The following CNTLN variants were observed in gnomAD, a reference collection of about 807,000 sequenced individuals.
The protein encoded by CNTLN is centlein, centrosomal protein.
In CNTLN, 212 loss-of-function variants were observed where a neutral mutation model predicts 180.0. That is an observed-to-expected ratio of 1.18 (90% confidence interval 1.05 to 1.32). The LOEUF is 1.32. Ranked by LOEUF, CNTLN falls within the 40% of genes most tolerant of loss-of-function variation. The pLI is 0.00. For missense variants in CNTLN, 2,095 were observed against 1,610.9 expected (o/e 1.30, Z -5.14); for synonymous variants, 722 against 563.1 (o/e 1.28, Z -3.99).
rs917843998 is a variant in CNTLN, at chr9:17,463,068, C to T, written c.3404+55C>T. On this transcript the variant is annotated intron_variant, in intron 20 of 25. Coordinates refer to ENST00000380647, the MANE Select transcript of CNTLN (RefSeq NM_017738.4). The stretch of plus-strand genomic sequence containing the variant: ...TTTGGTGCCACCTAGTGGCAACCAG[C>T]TCTATTAAACGTGCTCCAAGAAACT... 9.1e-6 allele frequency: 9 copies of T among 993,026 alleles called. No individual in the cohort carries two copies. In the African/African-American group the frequency reaches 1.4e-4, roughly 15 times the overall value. The allele number at this position is 993,026 out of a possible 1,614,324, so 61.5% of individuals were successfully genotyped here. A position where few individuals can be genotyped will look rare whatever the true frequency, so the allele number is the denominator to read the frequency against.
intron 18 of CNTLN, among the ~76,000 whole-genome samples, chr9:17,421,262 A>G (rs1828703881): frequency 6.6e-6 from 1 of 152,144 alleles, no homozygotes; most frequent in Non-Finnish European, 1.5e-5. Context: ...TGCTGGATAT[A>G]TAGGTATTTA....
chr9:17,394,835 C>A lies in CNTLN; in HGVS notation c.2381C>A (p.Pro794Gln), dbSNP rs1176087862. Residue 794 changes from proline to glutamine, a missense_variant, in exon 15 of 26, where the codon CCA (proline) becomes CAA (glutamine). Transcript: ENST00000380647. ...AATGAAAATGAAGAGCTGATCAACC[C>A]AATGGAGAAATCACACCAGTCAGCA... ...LRNENEELINPMEKSHQSADR... is the reference protein window; with the variant it reads ...LRNENEELINQMEKSHQSADR... 2 of 1,613,860 alleles carry A rather than the reference C, an allele frequency of 1.2e-6. No homozygotes were observed. Among genetic ancestry groups the A allele is most frequent in the Admixed American group, 3.3e-5 (2 of 59,986 alleles).
intron 8 of CNTLN, among the ~76,000 whole-genome samples, chr9:17,326,564 A>C (rs572534182): frequency 2.0e-5 from 3 of 152,270 alleles, no homozygotes; most frequent in South Asian, 2.1e-4. Flanking sequence ...GAGATTATTA[A>C]GTTTTTAAAA....
chr9:17,299,810 C>T, intron 7 of CNTLN: 1 of 984,182 alleles, frequency 1.0e-6, no homozygotes, highest in Non-Finnish European at 1.2e-6. Flanking sequence ...TGATGACTTT[C>T]TGTTGCTTGG....
intron 10 of CNTLN, among the ~76,000 whole-genome samples, chr9:17,336,322 C>T (rs1488902750): frequency 6.6e-6 from 1 of 152,104 alleles, no homozygotes; most frequent in Non-Finnish European, 1.5e-5. Context: ...TGATGGATGA[C>T]TTCAGCTGGC....
chr9:17,250,724 A>T (rs1035152913), intron 5 of CNTLN, among the ~76,000 whole-genome samples: 5 of 152,060 alleles, frequency 3.3e-5, no homozygotes, highest in African/African-American at 4.8e-5. Flanking sequence ...TGTAGTTTTT[A>T]TGTAGTTTAT....
At chr9:17,311,124 A>C (rs1009151267) in intron 8 of CNTLN, among the ~76,000 whole-genome samples, 1 of 151,926 alleles carries the variant, frequency 6.6e-6, no homozygotes, top group Non-Finnish European at 1.5e-5. Flanking sequence ...TCCTGGGTTC[A>C]AGCAATTCTC....
At position 17,135,107 on chromosome 9, in the gene CNTLN, A is replaced by G; in HGVS notation, c.42A>G (p.Pro14=). The G allele has an allele frequency of 6.2e-7, 1 of 1,606,026 alleles. No homozygotes were observed. Among genetic ancestry groups the G allele is most frequent in the Non-Finnish European group, 8.5e-7 (1 of 1,177,898 alleles). ...RSPPSPHPSP[P]ARQLGPRSPR... ...CTCCCTCACCGCACCCTTCGCCCCCAGCGCGACAGCTGGGCCCCAGGTCCC... is the reference window on the plus strand; with the variant it reads ...CTCCCTCACCGCACCCTTCGCCCCCGGCGCGACAGCTGGGCCCCAGGTCCC... The change falls in exon 1 of 26, where the codon CCA becomes CCG. Residue 14 remains proline (P), a synonymous_variant. Transcript: ENST00000380647.
chr9:17,196,251 TG>T (rs1255903982), intron 2 of CNTLN, among the ~76,000 whole-genome samples: 1 of 152,124 alleles, frequency 6.6e-6, no homozygotes, highest in Non-Finnish European at 1.5e-5. Flanking sequence ...CTCGAACTCT[TG>T]ACCTCAGGTG....
At chr9:17,469,636 G>A (rs1208449330) in intron 23 of CNTLN, among the ~76,000 whole-genome samples, 2 of 151,778 alleles carry the variant, frequency 1.3e-5, no homozygotes, top group African/African-American at 2.4e-5. Flanking sequence ...TCCATAGCTG[G>A]GTGTTATTCT....
At chr9:17,146,385 G>T (rs1161601062) in intron 2 of CNTLN, among the ~76,000 whole-genome samples, 1 of 151,834 alleles carries the variant, frequency 6.6e-6, no homozygotes, top group Non-Finnish European at 1.5e-5. Flanking sequence ...TCTTCTGTTT[G>T]CTCTATGCTA....
At chr9:17,511,544 G>A in the CNTLN span, among the ~76,000 whole-genome samples, 15 of 152,072 alleles carry the variant, frequency 9.9e-5, no homozygotes, top group African/African-American at 3.6e-4. Flanking sequence ...GTTCTCAGTT[G>A]GACTTAGGGC....
intron 6 of CNTLN, among the ~76,000 whole-genome samples, chr9:17,296,917 C>G (rs974351560): frequency 6.6e-6 from 1 of 152,178 alleles, no homozygotes; most frequent in Non-Finnish European, 1.5e-5. Context: ...ACAACTGTCT[C>G]CGTATCTCTT....
At chr9:17,200,532 T>C (rs1822450092) in intron 2 of CNTLN, among the ~76,000 whole-genome samples, 1 of 152,196 alleles carries the variant, frequency 6.6e-6, no homozygotes, top group South Asian at 2.1e-4. Context: ...TTTGTAGTTG[T>C]CCTTGAAGAG....
At chr9:17,443,099 C>T (rs1204533377) in intron 18 of CNTLN, among the ~76,000 whole-genome samples, 2 of 152,132 alleles carry the variant, frequency 1.3e-5, no homozygotes, top group Admixed American at 1.3e-4. Flanking sequence ...TTTTTGAAAT[C>T]AGGAAGAATA....
chr9:17,161,999 G>C (rs1446770251), intron 2 of CNTLN, among the ~76,000 whole-genome samples: 1 of 152,092 alleles, frequency 6.6e-6, no homozygotes, highest in African/African-American at 2.4e-5. Flanking sequence ...TCTTAGGGCA[G>C]TGATCTCAGT....
chr9:17,398,718 T>G (rs1327983579), intron 15 of CNTLN, among the ~76,000 whole-genome samples: 1 of 152,188 alleles, frequency 6.6e-6, no homozygotes, highest in Non-Finnish European at 1.5e-5. Context: ...TTTCTTTAAC[T>G]CTTTGAGGCA....
chr9:17,141,328 G>C (rs1431411990), intron 1 of CNTLN, among the ~76,000 whole-genome samples: 1 of 152,152 alleles, frequency 6.6e-6, no homozygotes, highest in Non-Finnish European at 1.5e-5. Context: ...TAGAGACTTG[G>C]GGTTTTGGTG....
chr9:17,500,626 T>G (rs1833696584), intron 25 of CNTLN, among the ~76,000 whole-genome samples: 1 of 152,204 alleles, frequency 6.6e-6, no homozygotes, highest in Admixed American at 6.5e-5. Context: ...CCTGTTAGCC[T>G]TTTAAAGACT....
Sources: gnomAD v4.1 joint callset for allele counts (sites outside exome capture counted in the v4.1 genomes callset) on GRCh38, gnomAD v4.1.1 for gene constraint, MANE v1.5 for transcripts, NCBI Gene and HGNC (gene_info 2026-07-23, HGNC 2026-07-21) for gene names.